KDM7A: variants seen among roughly 807,000 people sequenced by gnomAD.
KDM7A encodes the protein lysine-specific demethylase 7A.
In KDM7A, 28 loss-of-function variants were observed where a neutral mutation model predicts 114.8. The observed-to-expected ratio is 0.24, with a 90% CI of 0.18 to 0.33. The LOEUF (loss-of-function observed/expected upper bound fraction) is 0.33, where lower values mean the gene tolerates loss of function less well. KDM7A is among the 10% of genes least tolerant of loss of function. The probability of loss-of-function intolerance (pLI) is 1.00; values close to 1 mark genes in which losing one functional copy is unlikely to be tolerated. For synonymous variants in KDM7A, 423 were observed against 397.8 expected (o/e 1.06, Z -0.75); for missense variants, 942 against 1,142.5 (o/e 0.82, Z 2.53).
chr7:140,098,810 G>T, intron 14 of KDM7A, 69 bp downstream of exon 14: 3 of 1,342,820 alleles, frequency 2.2e-6, no homozygotes, highest in South Asian at 1.3e-5. Flanking sequence ...TTCAAAATTA[G>T]CAAGTTACTT....
At chr7:140,175,029 A>C (rs1210188912) in intron 1 of KDM7A, among the ~76,000 whole-genome samples, 1 of 152,230 alleles carries the variant, frequency 6.6e-6, no homozygotes, top group Non-Finnish European at 1.5e-5. Flanking sequence ...ATAGAACCTA[A>C]ATGTTCGGAT....
At chr7:140,135,404 T>C (rs1016843571) in intron 2 of KDM7A, among the ~76,000 whole-genome samples, 2 of 152,240 alleles carry the variant, frequency 1.3e-5, no homozygotes, top group East Asian at 3.9e-4. Context: ...GGTTTCACCA[T>C]GTTGGCCAGG....
rs137935584 is a variant in KDM7A, at chr7:140,090,264, T to C, written c.*830A>G. ...TTTAATGTTGAGAAGAAAATCACAA[T>C]GTCAAACGAAATGAGAAATGAGGGA... On this transcript the variant is annotated 3_prime_UTR_variant, in exon 20 of 20. Transcript: ENST00000397560. 1 of 152,166 alleles carries C rather than the reference T, an allele frequency of 6.6e-6. No individual in the cohort carries two copies. The highest frequency in any genetic ancestry group is 1.5e-5 in the Non-Finnish European group (1 of 68,038). The allele number at this position is 152,166 out of a possible 1,614,324, so 9.4% of individuals were successfully genotyped here.
intron 1 of KDM7A, among the ~76,000 whole-genome samples, chr7:140,158,262 T>C (rs1794481025): frequency 6.6e-6 from 1 of 152,208 alleles, no homozygotes; most frequent in Non-Finnish European, 1.5e-5. Flanking sequence ...AGCACCACTC[T>C]GGCTTCTGGA....
chr7:140,101,169 T>C (rs1010218429), intron 12 of KDM7A, among the ~76,000 whole-genome samples: 2 of 152,074 alleles, frequency 1.3e-5, no homozygotes, highest in African/African-American at 4.8e-5. Context: ...CTTATCCTCT[T>C]CTTGGGATGT....
intron 1 of KDM7A, among the ~76,000 whole-genome samples, chr7:140,167,541 A>G (rs1257675354): frequency 6.6e-6 from 1 of 152,180 alleles, no homozygotes; most frequent in African/African-American, 2.4e-5. Context: ...AATAAATAGT[A>G]CTGGGACAAC....
intron 1 of KDM7A, among the ~76,000 whole-genome samples, chr7:140,141,159 G>A (rs1002893002): frequency 2.0e-5 from 3 of 151,914 alleles, no homozygotes; most frequent in African/African-American, 2.4e-5. Flanking sequence ...CTAAATAAAG[G>A]GAGATATACA....
chr7:140,100,669 T>A, intron 12 of KDM7A, among the ~76,000 whole-genome samples: 2 of 44,444 alleles, frequency 4.5e-5, no homozygotes, highest in African/African-American at 1.7e-4. Flanking sequence ...GTTATATATA[T>A]ATATATATAT....
At chr7:140,148,448 A>ACC (rs1336986155) in intron 1 of KDM7A, among the ~76,000 whole-genome samples, 1 of 151,808 alleles carries the variant, frequency 6.6e-6, no homozygotes, top group East Asian at 1.9e-4. Context: ...AGTAACAGTA[A>ACC]CCCCCTCAAA....
chr7:140,165,032 C>A (rs1416049050), intron 1 of KDM7A, among the ~76,000 whole-genome samples: 1 of 152,178 alleles, frequency 6.6e-6, no homozygotes, highest in African/African-American at 2.4e-5. Context: ...CCTCAGAAGT[C>A]CTCAAACTAA....
chr7:140,124,533 A>T (rs563657691), intron 7 of KDM7A, 88 bp downstream of exon 7: 1 of 891,738 alleles, frequency 1.1e-6, no homozygotes, highest in Non-Finnish European at 1.7e-6. Context: ...ACTACTTTCC[A>T]AACATGTTAA....
intron 10 of KDM7A, among the ~76,000 whole-genome samples, chr7:140,112,455 A>G (rs1220322913): frequency 1.3e-5 from 2 of 152,134 alleles, no homozygotes; most frequent in Non-Finnish European, 2.9e-5. Context: ...ACTAAAACAT[A>G]CAAAAATTAA....
intron 1 of KDM7A, among the ~76,000 whole-genome samples, chr7:140,158,002 AAT>A (rs201845173): frequency 0.059 from 8,728 of 147,734 alleles, 338 homozygotes; most frequent in Non-Finnish European, 0.087. Flanking sequence ...AAATAATAAT[AAT>A]AATAATAATA....
chr7:140,104,727 G>A (rs1044424067), intron 11 of KDM7A, among the ~76,000 whole-genome samples: 2 of 152,202 alleles, frequency 1.3e-5, no homozygotes, highest in African/African-American at 2.4e-5. Context: ...CAGGTAGCAT[G>A]ATGCCTCCAG....
chr7:140,141,529 T>C (rs1052637709), intron 1 of KDM7A, among the ~76,000 whole-genome samples: 2 of 152,108 alleles, frequency 1.3e-5, no homozygotes, highest in Non-Finnish European at 2.9e-5. Flanking sequence ...AACTTTTCAA[T>C]ACAAGGTCCT....
intron 1 of KDM7A, among the ~76,000 whole-genome samples, chr7:140,169,223 C>A (rs554371059): frequency 6.0e-4 from 91 of 152,272 alleles, no homozygotes; most frequent in Non-Finnish European, 1.1e-3. Flanking sequence ...TAAATAATCA[C>A]TACAGTAATA....
intron 1 of KDM7A, among the ~76,000 whole-genome samples, chr7:140,151,912 T>C (rs1043803612): frequency 2.6e-5 from 4 of 152,180 alleles, no homozygotes; most frequent in Admixed American, 6.5e-5. Flanking sequence ...CTACAGAAGA[T>C]TGAATATATA....
At chr7:140,109,788 CT>C (rs1818403032) in intron 11 of KDM7A, among the ~76,000 whole-genome samples, 1 of 152,204 alleles carries the variant, frequency 6.6e-6, no homozygotes, top group Admixed American at 6.5e-5. Flanking sequence ...GTAAATTGGA[CT>C]TGGTAAAAAT....
At chr7:140,157,593 G>A (rs1275405053) in intron 1 of KDM7A, among the ~76,000 whole-genome samples, 1 of 152,150 alleles carries the variant, frequency 6.6e-6, no homozygotes, top group African/African-American at 2.4e-5. Context: ...GGTCAAGGCT[G>A]CAGTGAGCTG....
Sources: gnomAD v4.1 joint callset for allele counts (sites outside exome capture counted in the v4.1 genomes callset) on GRCh38, gnomAD v4.1.1 for gene constraint, MANE v1.5 for transcripts, NCBI Gene and HGNC (gene_info 2026-07-23, HGNC 2026-07-21) for gene names.